MCF2L2: variants seen among roughly 807,000 people sequenced by gnomAD.
MCF2L2 encodes the protein probable guanine nucleotide exchange factor MCF2L2.
In MCF2L2, 102 loss-of-function variants were observed where a neutral mutation model predicts 150.2. That is an observed-to-expected ratio of 0.68 (90% CI 0.58 to 0.80). The LOEUF (loss-of-function observed/expected upper bound fraction) is 0.80. Ranked by LOEUF, MCF2L2 falls within the 30% of genes least tolerant of loss-of-function variation. The pLI is 0.00. For missense variants in MCF2L2, 1,256 were observed against 1,372.8 expected, an observed-to-expected ratio of 0.91 and a Z score of 1.34; for synonymous variants, 465 against 491.3, an observed-to-expected ratio of 0.95 and a Z score of 0.71.
chr3:183,413,690 GCTGCCTCCT>G (rs1438004943), intron 1 of MCF2L2, among the ~76,000 whole-genome samples: 7 of 152,196 alleles, frequency 4.6e-5, no homozygotes, highest in Admixed American at 3.3e-4. Flanking sequence ...TGTAAGCAGG[GCTGCCTCCT>G]CTGCTTTTGT....
intron 15 of MCF2L2, 51 bp downstream of exon 15, chr3:183,276,821 C>G (rs755559264): frequency 7.6e-7 from 1 of 1,314,558 alleles, no homozygotes; most frequent in South Asian, 1.2e-5. Flanking sequence ...ATCCTCGCCA[C>G]CCATGCCCCG....
rs1711877120 is a variant in MCF2L2 at position 183,357,818 on chromosome 3, T to C, written c.276-16188A>G. 2.7e-5 allele frequency among the ~76,000 whole-genome samples: 4 copies of C among 147,628 alleles called. No homozygotes were observed. In the South Asian group the frequency reaches 8.6e-4, roughly 32 times the overall value. On this transcript the variant is annotated intron_variant, in intron 3 of 29. Coordinates refer to ENST00000328913, the MANE Select transcript of MCF2L2 (RefSeq NM_015078.4). ...CTGTGGTTTTCCACTTATTCTCTTC[T>C]CCATGATGTAAAGATATTTTTCAAA...
Position 183,227,376 on chromosome 3 carries a change from G to C in MCF2L2, c.2115+921C>G, listed in dbSNP as rs192284664. On this transcript the variant is annotated intron_variant, in intron 18 of 29. Coordinates refer to ENST00000328913, the MANE Select transcript of MCF2L2 (RefSeq NM_015078.4). The surrounding 1 kb of genome is among the most constrained non-coding windows in gnomAD (Gnocchi z 4.0). ...GTCTGGGAGGTGGGAAGAAGGGGTAGTTGGAGGTATAATGTTGTAGGCCAA... is the reference window on the plus strand; with the variant it reads ...GTCTGGGAGGTGGGAAGAAGGGGTACTTGGAGGTATAATGTTGTAGGCCAA... The C allele has an allele frequency of 6.6e-6, 1 of 152,214 alleles. No individual in the cohort carries two copies. Among genetic ancestry groups the C allele is most frequent in the Non-Finnish European group, 1.5e-5 (1 of 68,064 alleles). 9.4% of individuals were successfully genotyped at this position (152,214 alleles called of 1,614,324 possible).
At chr3:183,425,507 C>T (rs1171570364) in intron 1 of MCF2L2, among the ~76,000 whole-genome samples, 2 of 152,156 alleles carry the variant, frequency 1.3e-5, no homozygotes, top group African/African-American at 4.8e-5. Context: ...AACAGGCAAG[C>T]ATAGAGCCAA....
chr3:183,401,639 C>T (rs1183350549), intron 1 of MCF2L2, among the ~76,000 whole-genome samples: 2 of 152,240 alleles, frequency 1.3e-5, no homozygotes, highest in African/African-American at 2.4e-5. Context: ...TGACTTTTTT[C>T]GATAGAGACT....
chr3:183,285,838 A>C (rs11924380), intron 14 of MCF2L2, among the ~76,000 whole-genome samples: 3,014 of 152,258 alleles, frequency 0.02, 59 homozygotes, highest in East Asian at 0.052. Context: ...GTCCACATTT[A>C]GGAAAAAGAA....
chr3:183,180,376 G>C (rs948154164), intron 27 of MCF2L2: 1 of 509,632 alleles, frequency 2.0e-6, no homozygotes, highest in African/African-American at 1.9e-5. Context: ...CCGAGAAGGC[G>C]CGTCCACATG....
chr3:183,229,150 A>G (rs1576941316), intron 17 of MCF2L2, among the ~76,000 whole-genome samples: 3 of 152,326 alleles, frequency 2.0e-5, no homozygotes, highest in East Asian at 3.9e-4. Context: ...CCATATGTGT[A>G]ACATGAAAGG....
chr3:183,185,853 G>C (rs1309247588), intron 27 of MCF2L2, among the ~76,000 whole-genome samples: 1 of 152,180 alleles, frequency 6.6e-6, no homozygotes, highest in Non-Finnish European at 1.5e-5. Flanking sequence ...TCATTCTTGA[G>C]AACATCTAAT....
At chr3:183,190,530 A>C (rs1560332474) in intron 27 of MCF2L2, among the ~76,000 whole-genome samples, 1 of 152,274 alleles carries the variant, frequency 6.6e-6, no homozygotes. Flanking sequence ...ACGTGGGCTT[A>C]GCAGAAGTCT....
intron 1 of MCF2L2, among the ~76,000 whole-genome samples, chr3:183,415,467 G>A (rs1018880234): frequency 4.6e-5 from 7 of 152,148 alleles, no homozygotes; most frequent in South Asian, 2.1e-4. Flanking sequence ...GATTACAGGC[G>A]TCAGCCACCG....
rs1176882563 is a variant in MCF2L2 at position 183,179,966 on chromosome 3, A to C, written c.3105+105T>G. 7.7e-5 allele frequency: 75 copies of C among 973,712 alleles called. No individual in the cohort carries two copies. The East Asian group carries it at 1.8e-3, about 23-fold the overall frequency. The allele number at this position is 973,712 out of a possible 1,614,324, so 60.3% of individuals were successfully genotyped here. On this transcript the variant is annotated intron_variant, in intron 28 of 29. Transcript: ENST00000328913. The surrounding 1 kb of genome is among the most constrained non-coding windows in gnomAD (Gnocchi z 4.2). ...CTTAACCAGGTCCTTATGGGTGAGA[A>C]TCCTGAGGAGGGGGAGAGGGATGGA...
At chr3:183,352,582 T>TC (rs2108554867) in intron 3 of MCF2L2, among the ~76,000 whole-genome samples, 2 of 152,212 alleles carry the variant, frequency 1.3e-5, no homozygotes, top group South Asian at 4.1e-4. Flanking sequence ...TAATGGCAAG[T>TC]CCCTGCCCAA....
intron 12 of MCF2L2, 49 bp downstream of exon 12, chr3:183,296,927 C>T: frequency 6.4e-7 from 1 of 1,571,240 alleles, no homozygotes; most frequent in Non-Finnish European, 8.7e-7. Context: ...GTCCCTCCCT[C>T]CCCTATCCGT....
chr3:183,246,232 ATAGT>A (rs1214472446), intron 15 of MCF2L2, among the ~76,000 whole-genome samples: 1 of 152,214 alleles, frequency 6.6e-6, no homozygotes, highest in Non-Finnish European at 1.5e-5. Context: ...TTTGAAGTGT[ATAGT>A]TCAGTAGTGT....
Position 183,424,378 on chromosome 3 carries a change from G to T in MCF2L2, c.76+3524C>A, listed in dbSNP as rs149358916. Among the ~76,000 whole-genome samples, 11 of 152,322 alleles carry T rather than the reference G, an allele frequency of 7.2e-5. No individual in the cohort carries two copies. In the South Asian group the frequency reaches 2.3e-3, roughly 32 times the overall value. On this transcript the variant is annotated intron_variant, in intron 1 of 29. Transcript: ENST00000328913. The stretch of plus-strand genomic sequence containing the variant: ...GGCTTCATGTTTACTTTCAAATGGG[G>T]TTTTGGAGACAAAATAGTTATCTAC...
rs1714780633 is a variant in MCF2L2, at chr3:183,402,017, CAGTTGTACT to C, written c.77-12247_77-12239del. 1.3e-4 allele frequency among the ~76,000 whole-genome samples: 20 copies of C among 152,278 alleles called. No individual in the cohort carries two copies. In the South Asian group the frequency reaches 4.1e-3, roughly 32 times the overall value. On this transcript the variant is annotated intron_variant, in intron 1 of 29. Coordinates refer to ENST00000328913, the MANE Select transcript of MCF2L2 (RefSeq NM_015078.4). The stretch of plus-strand genomic sequence containing the variant: ...GAAACTGTCAAATCTTTTCCCAAAG[CAGTTGTACT>C]AGAAAGCACTTCAAGATTAGAGACT...
At chr3:183,256,542 C>T (rs1421911138) in intron 15 of MCF2L2, among the ~76,000 whole-genome samples, 1 of 152,124 alleles carries the variant, frequency 6.6e-6, no homozygotes, top group East Asian at 1.9e-4. Flanking sequence ...CCATAGAAGG[C>T]TTTAACACTA....
In MCF2L2 at chr3:183,289,178, G is replaced by A. The variant is rs754286976; in HGVS notation, c.1718C>T (p.Thr573Met). The change falls in exon 14 of 30, where the codon ACG becomes ATG. Residue 573 changes from threonine to methionine, a missense_variant. Physicochemically the swap from Thr to Met is moderately conservative, Grantham distance 81. Coordinates refer to ENST00000328913, the MANE Select transcript of MCF2L2 (RefSeq NM_015078.4). ...TCCCCGGGAGTTCAACTCTGTCTCC[G>A]TATAAGGTTCCTCAGACGTTCTCAG... is the stretch of plus-strand genomic sequence containing the variant. ...RPLRTSEEPY[T>M]ETELNSRGKE... The A allele has an allele frequency of 2.6e-5, 42 of 1,613,750 alleles. 1 individual carries two copies. Among genetic ancestry groups the A allele is most frequent in the South Asian group, 2.3e-4 (21 of 91,040 alleles).
Sources: allele counts gnomAD v4.1 joint callset (sites outside exome capture counted in the v4.1 genomes callset), GRCh38; gene constraint gnomAD v4.1.1; non-coding constraint Gnocchi (gnomAD v3.1); transcripts MANE v1.5; gene names NCBI Gene and HGNC (gene_info 2026-07-23, HGNC 2026-07-21).